The following ZFHX3 variants were observed in gnomAD, a reference collection of about 807,000 sequenced individuals.
ZFHX3 encodes the protein zinc finger homeobox 3.
Under a neutral mutation model 279.1 loss-of-function variants are expected in ZFHX3, and 42 were observed. The observed-to-expected ratio is 0.15, with a 90% CI of 0.12 to 0.19. ZFHX3 has a LOEUF of 0.19. Ranked by LOEUF, ZFHX3 falls within the 10% of genes least tolerant of loss-of-function variation. The probability of loss-of-function intolerance (pLI) is 1.00; values close to 1 mark genes in which losing one functional copy is unlikely to be tolerated. For missense variants in ZFHX3, 4,981 were observed against 4,754.0 expected, an observed-to-expected ratio of 1.05 and a Z score of -1.40; for synonymous variants, 2,293 against 1,957.8, an observed-to-expected ratio of 1.17 and a Z score of -4.52.
intron 4 of ZFHX3, among the ~76,000 whole-genome samples, chr16:73,289,696 C>A (rs2014719866): frequency 6.6e-6 from 1 of 152,076 alleles, no homozygotes; most frequent in Non-Finnish European, 1.5e-5. Flanking sequence ...TGGTCTCGGT[C>A]CTACTGGTCA....
intron 3 of ZFHX3, among the ~76,000 whole-genome samples, chr16:73,423,712 C>G (rs1381806903): frequency 6.6e-6 from 1 of 152,046 alleles, no homozygotes; most frequent in Non-Finnish European, 1.5e-5. Context: ...GAATACAAAA[C>G]TTAGCCAGGC....
chr16:73,459,608 T>C (rs912294786), intron 2 of ZFHX3, among the ~76,000 whole-genome samples: 3 of 152,176 alleles, frequency 2.0e-5, no homozygotes, highest in Non-Finnish European at 4.4e-5. Flanking sequence ...CCTCAAGTGA[T>C]CTGCCCGCCT....
intron 7 of ZFHX3, among the ~76,000 whole-genome samples, chr16:73,116,081 G>A (rs368420313): frequency 7.3e-5 from 11 of 150,852 alleles, no homozygotes; most frequent in African/African-American, 2.7e-4. Context: ...GATCATGCCA[G>A]TGTACTCCAG....
intron 5 of ZFHX3, among the ~76,000 whole-genome samples, chr16:73,178,851 C>A (rs955050815): frequency 6.6e-6 from 1 of 152,148 alleles, no homozygotes; most frequent in Non-Finnish European, 1.5e-5. Context: ...GTCCATCCAT[C>A]CTCCCATCTA....
chr16:72,835,346 A>T (rs2143753042), intron 4 of ZFHX3, among the ~76,000 whole-genome samples: 1 of 152,266 alleles, frequency 6.6e-6, no homozygotes, highest in Non-Finnish European at 1.5e-5. Flanking sequence ...TGGAAATATC[A>T]GGCCTGTTCT....
intron 4 of ZFHX3, among the ~76,000 whole-genome samples, chr16:72,869,847 C>A (rs2038111569): frequency 6.6e-6 from 1 of 152,142 alleles, no homozygotes; most frequent in Non-Finnish European, 1.5e-5. Flanking sequence ...GAATGGATAA[C>A]CCCAGAAGGA....
chr16:73,723,184 T>C (rs1481633617), intron 1 of ZFHX3, among the ~76,000 whole-genome samples: 1 of 152,184 alleles, frequency 6.6e-6, no homozygotes, highest in African/African-American at 2.4e-5. Context: ...GTTGATTCTC[T>C]GAGTGCTTTA....
rs1303511954 is a variant in ZFHX3 at position 72,788,266 on chromosome 16, C to CCATA, written c.10006_10009dup (p.Gly3337ValfsTer95). 1.2e-6 allele frequency: 2 copies of CCATA among 1,614,170 alleles called. No homozygotes were observed. ...GCTGTAGGGGAACAGGCCTTCCATG[C>CCATA]CATACATAGGCTGCAGGTACCCGCT... is the stretch of plus-strand genomic sequence containing the variant. On this transcript the variant is annotated frameshift_variant, in exon 10 of 10. Coordinates refer to ENST00000268489, the MANE Select transcript of ZFHX3 (RefSeq NM_006885.4). LOFTEE classifies it high-confidence loss of function.
At chr16:72,875,468 T>A (rs1335778938) in intron 4 of ZFHX3, among the ~76,000 whole-genome samples, 1 of 152,226 alleles carries the variant, frequency 6.6e-6, no homozygotes, top group Non-Finnish European at 1.5e-5. Flanking sequence ...CATGTGACTA[T>A]CTACACAGCC....
chr16:72,793,465 G>T lies in ZFHX3; in HGVS notation c.9217C>A (p.Arg3073Ser), dbSNP rs149453115. The T allele has an allele frequency of 1.2e-6, 2 of 1,614,170 alleles. No homozygotes were observed. Among genetic ancestry groups the T allele is most frequent in the East Asian group, 4.5e-5 (2 of 44,890 alleles). The change falls in exon 9 of 10, where the codon CGT (arginine) becomes AGT (serine). Residue 3073 changes from arginine to serine, a missense_variant. Physicochemically the swap from Arg to Ser is moderately radical, Grantham distance 110. Around this residue, in one of 7 missense-constraint regions of ZFHX3, gnomAD observed 168 missense variants for 249.1 expected, o/e 0.67. Coordinates refer to ENST00000268489, the MANE Select transcript of ZFHX3 (RefSeq NM_006885.4). This position sits in a 1 kb window ranked among gnomAD's most constrained non-coding sequence, Gnocchi z 4.3. ...EKEYFDPATV[R>S]QLMAQQELDR... ...AACTCTTGTTGAGCCATCAACTGAC[G>T]TACGGTGGCTGGGTCAAAGTATTCT... is the stretch of plus-strand genomic sequence containing the variant.
chr16:73,222,114 A>G (rs1279180425), intron 5 of ZFHX3, among the ~76,000 whole-genome samples: 1 of 152,102 alleles, frequency 6.6e-6, no homozygotes, highest in Non-Finnish European at 1.5e-5. Flanking sequence ...TAATACTGCT[A>G]ACCCTGATGT....
rs575552915 is a variant in ZFHX3 at position 73,306,503 on chromosome 16, G to T, written c.-1194+11737C>A. Among the ~76,000 whole-genome samples, 6 of 152,018 alleles carry T rather than the reference G, an allele frequency of 3.9e-5. No homozygotes were observed. In the East Asian group the frequency reaches 9.7e-4, roughly 24 times the overall value. On this transcript the variant is annotated intron_variant, in intron 4 of 17. Coordinates refer to the ZFHX3 transcript ENST00000641206. The stretch of plus-strand genomic sequence containing the variant: ...CTCAGCTGATTTTTGTATTTTTTTT[G>T]GTAGAGATATGGTTTCACCATGTTG...
At chr16:72,810,543 G>A (rs2036414395) in intron 7 of ZFHX3, among the ~76,000 whole-genome samples, 1 of 152,136 alleles carries the variant, frequency 6.6e-6, no homozygotes, top group African/African-American at 2.4e-5. Context: ...CACCATCACT[G>A]GCACTATTTT....
chr16:72,903,469 A>G (rs1206286155), intron 3 of ZFHX3, among the ~76,000 whole-genome samples: 1 of 152,174 alleles, frequency 6.6e-6, no homozygotes, highest in African/African-American at 2.4e-5. Context: ...TCTAGTAGGG[A>G]TAACCTCCTC....
chr16:73,415,762 C>T (rs745535965), intron 3 of ZFHX3, among the ~76,000 whole-genome samples: 2 of 152,128 alleles, frequency 1.3e-5, no homozygotes, highest in African/African-American at 2.4e-5. Flanking sequence ...CATCACAACC[C>T]AGCTGCCTGT....
intron 3 of ZFHX3, among the ~76,000 whole-genome samples, chr16:72,918,511 A>G (rs1335572182): frequency 6.6e-6 from 1 of 152,170 alleles, no homozygotes; most frequent in Non-Finnish European, 1.5e-5. Context: ...ATCATATCAC[A>G]AGGAAGATGT....
intron 2 of ZFHX3, among the ~76,000 whole-genome samples, chr16:73,533,033 A>T (rs145778772): frequency 4.9e-4 from 75 of 152,280 alleles, no homozygotes; most frequent in South Asian, 8.3e-4. Flanking sequence ...TCGGTATTTC[A>T]TCATAACAGC....
intron 2 of ZFHX3, among the ~76,000 whole-genome samples, chr16:73,606,394 G>C (rs1263415055): frequency 6.6e-6 from 1 of 151,372 alleles, no homozygotes; most frequent in East Asian, 1.9e-4. Context: ...GCTGAGGCAG[G>C]AGAATCTCCT....
chr16:73,462,279 G>C (rs1302331462), intron 2 of ZFHX3, among the ~76,000 whole-genome samples: 1 of 151,742 alleles, frequency 6.6e-6, no homozygotes, highest in East Asian at 1.9e-4. Flanking sequence ...AGATTCCTTG[G>C]GATTAAAAAC....
Sources: gnomAD v4.1 joint callset for allele counts (sites outside exome capture counted in the v4.1 genomes callset) on GRCh38, gnomAD v4.1.1 for gene constraint, gnomAD v4.1.1 regional missense constraint, Gnocchi (gnomAD v3.1) non-coding constraint, MANE v1.5 for transcripts, NCBI Gene and HGNC (gene_info 2026-07-23, HGNC 2026-07-21) for gene names.